Variants in DGKZ observed in about 807,000 individuals in gnomAD.
The protein encoded by DGKZ is diacylglycerol kinase zeta, also known as DAG kinase zeta.
In DGKZ, 45 loss-of-function variants were observed where a neutral mutation model predicts 142.5. The observed-to-expected ratio is 0.32, with a 90% CI of 0.25 to 0.40. The LOEUF is 0.40. Ranked by LOEUF, DGKZ falls within the 10% of genes least tolerant of loss-of-function variation. DGKZ has a pLI of 1.00. For synonymous variants in DGKZ, 442 were observed against 527.0 expected (o/e 0.84, Z 2.21); for missense variants, 755 against 1,306.5 (o/e 0.58, Z 6.51).
At chr11:46,373,912 G>A (rs1438525835) in intron 14 of DGKZ, among the ~76,000 whole-genome samples, 1 of 152,274 alleles carries the variant, frequency 6.6e-6, no homozygotes, top group African/African-American at 2.4e-5. Flanking sequence ...GGCATGTCAG[G>A]AAGAAGTGTT....
chr11:46,377,246 G>C (rs1397023322), intron 25 of DGKZ, 34 bp downstream of exon 25: 1 of 1,543,350 alleles, frequency 6.5e-7, no homozygotes, highest in Non-Finnish European at 8.7e-7. Flanking sequence ...CCAGCCCCTG[G>C]CTTTCAGCCC....
chr11:46,352,390 C>T (rs1238687309), intron 1 of DGKZ, among the ~76,000 whole-genome samples: 1 of 152,192 alleles, frequency 6.6e-6, no homozygotes, highest in Non-Finnish European at 1.5e-5. Flanking sequence ...CCCACAGGCA[C>T]TCGCTGGAAG....
At chr11:46,358,045 G>A (rs900056990) in intron 1 of DGKZ, among the ~76,000 whole-genome samples, 16 of 152,190 alleles carry the variant, frequency 1.1e-4, no homozygotes, top group African/African-American at 3.9e-4. Flanking sequence ...GTCTTAAAAA[G>A]TATGGTCCTG....
At chr11:46,373,261 CTGTTTTTTCTG>C (rs1944162086) in intron 14 of DGKZ, among the ~76,000 whole-genome samples, 160 bp downstream of exon 14, 1 of 147,710 alleles carries the variant, frequency 6.8e-6, no homozygotes, top group African/African-American at 2.5e-5. Context: ...TCACAAGATG[CTGTTTTTTCTG>C]TGTTTTTTTT....
chr11:46,360,563 G>A (rs1415450740), intron 1 of DGKZ, among the ~76,000 whole-genome samples: 5 of 151,972 alleles, frequency 3.3e-5, no homozygotes, highest in Non-Finnish European at 5.9e-5. Context: ...CGAGGTGGGC[G>A]GATCACGAGG....
intron 1 of DGKZ, among the ~76,000 whole-genome samples, chr11:46,336,919 G>A (rs1940043947): frequency 6.6e-6 from 1 of 152,164 alleles, no homozygotes; most frequent in Non-Finnish European, 1.5e-5. Flanking sequence ...TACTCAGAAT[G>A]TTGAGGTGGG....
At chr11:46,366,338 C>G in intron 1 of DGKZ, 3 of 1,559,276 alleles carry the variant, frequency 1.9e-6, no homozygotes, top group Non-Finnish European at 2.6e-6. Flanking sequence ...CAGCGTGGGG[C>G]TGCCCACAGG....
At chr11:46,376,068 G>A in exon 22 of DGKZ, 1 of 1,612,086 alleles carries the variant, frequency 6.2e-7, no homozygotes, top group Non-Finnish European at 8.5e-7. Flanking sequence ...TTCTCCAGCT[G>A]TGCCGCTGGG....
intron 1 of DGKZ, among the ~76,000 whole-genome samples, chr11:46,340,945 A>G (rs780376284): frequency 1.4e-4 from 21 of 152,238 alleles, no homozygotes; most frequent in Admixed American, 3.3e-4. Flanking sequence ...GGCCAGGAGT[A>G]TGAGACCAGC....
At chr11:46,346,873 T>A (rs1403376712), upstream of DGKZ, among the ~76,000 whole-genome samples, 2 of 152,134 alleles carry the variant, frequency 1.3e-5, no homozygotes, top group African/African-American at 2.4e-5. Flanking sequence ...GAGAAACTTG[T>A]GAGTTCTTTG....
At chr11:46,358,441 G>A (rs1942283036) in intron 1 of DGKZ, among the ~76,000 whole-genome samples, 1 of 152,002 alleles carries the variant, frequency 6.6e-6, no homozygotes, top group South Asian at 2.1e-4. Flanking sequence ...ATTTGTACTT[G>A]GACACCTGAT....
Position 46,379,851 on chromosome 11 carries a change from G to A in DGKZ, c.2709G>A (p.Arg903=). Residue 903 remains arginine (R), a synonymous_variant, in exon 31 of 31, where the codon CGG becomes CGA. Coordinates refer to ENST00000527911, the Ensembl canonical transcript of DGKZ. ...TCCAGGGCGACACTCCCCGGCAGCGGGCTGAGAAGGCTCAGGACACCGAGC... is the reference window on the plus strand; with the variant it reads ...TCCAGGGCGACACTCCCCGGCAGCGAGCTGAGAAGGCTCAGGACACCGAGC... The A allele has an allele frequency of 1.9e-6, 3 of 1,610,640 alleles. 1 individual carries two copies. In the South Asian group the frequency reaches 3.3e-5, roughly 18 times the overall value.
chr11:46,342,227 A>T (rs939803785), intron 1 of DGKZ, among the ~76,000 whole-genome samples: 3 of 152,158 alleles, frequency 2.0e-5, no homozygotes, highest in African/African-American at 7.2e-5. Context: ...TGCCAAGGGC[A>T]TCCTCCATAG....
intron 26 of DGKZ, 102 bp downstream of exon 26, chr11:46,378,331 C>CCT (rs1944797061): frequency 6.5e-7 from 1 of 1,539,462 alleles, no homozygotes; most frequent in Non-Finnish European, 8.8e-7. Context: ...ACAAACACAG[C>CCT]CTTTGAGCTT....
In DGKZ at chr11:46,375,646, G is replaced by T; in HGVS notation, c.1910+15G>T. Reference sequence around the variant, plus strand: ...CTGCACAGCGAGTACGTCCCACCCTGCCACGTGCCCTGGGTGCCAAGGCCA... The same window carrying T: ...CTGCACAGCGAGTACGTCCCACCCTTCCACGTGCCCTGGGTGCCAAGGCCA... On this transcript the variant is annotated intron_variant, in intron 20 of 30. Transcript: ENST00000527911. 1 of 1,544,534 alleles carries T rather than the reference G, an allele frequency of 6.5e-7. No homozygotes were observed. Among genetic ancestry groups the T allele is most frequent in the East Asian group, 2.4e-5 (1 of 41,568 alleles).
Position 46,372,295 on chromosome 11 carries a change from G to A in DGKZ, c.927+125G>A, listed in dbSNP as rs572881046. ...CCAATCCCTCTTTCCCAGGGATCCT[G>A]AGAAAATCCTGTCCTTTCTCCACCC... On this transcript the variant is annotated intron_variant, in intron 10 of 30. Coordinates refer to ENST00000527911, the Ensembl canonical transcript of DGKZ. The surrounding 1 kb of genome is among the most constrained non-coding windows in gnomAD (Gnocchi z 5.9). The A allele has an allele frequency of 7.4e-7, 1 of 1,347,466 alleles. No homozygotes were observed. The highest frequency in any genetic ancestry group is 2.5e-5 in the East Asian group (1 of 40,420). The allele number at this position is 1,347,466 out of a possible 1,614,324, so 83.5% of individuals were successfully genotyped here. A position where few individuals can be genotyped will look rare whatever the true frequency, so the allele number is the denominator to read the frequency against.
chr11:46,380,104 G>A, exon 31 of DGKZ: 1 of 759,922 alleles, frequency 1.3e-6, no homozygotes, highest in African/African-American at 1.8e-5. Context: ...CCAGACCTAG[G>A]GCTGGACTCA....
chr11:46,372,437 A>G lies in DGKZ; in HGVS notation c.937A>G (p.Ile313Val). ...TCCCCATCCCATCCAGGGTGCAAAGATCATCCAGTCTTTCCTCTGGTATCT... is the reference window on the plus strand; with the variant it reads ...TCCCCATCCCATCCAGGGTGCAAAGGTCATCCAGTCTTTCCTCTGGTATCT... Residue 313 changes from isoleucine (I) to valine (V), a missense_variant, in exon 11 of 31, where the codon ATC (isoleucine) becomes GTC (valine). This residue lies in a region of DGKZ where 191 missense variants were observed against 472.1 expected (regional missense o/e 0.40). Transcript: ENST00000527911. This position sits in a 1 kb window ranked among gnomAD's most constrained non-coding sequence, Gnocchi z 5.9. 3 of 1,613,906 alleles carry G rather than the reference A, an allele frequency of 1.9e-6. No individual in the cohort carries two copies. The highest frequency in any genetic ancestry group is 2.5e-6 in the Non-Finnish European group (3 of 1,179,978).
In DGKZ at chr11:46,372,178, CG is replaced by C; in HGVS notation, c.927+10del. 5 of 1,599,492 alleles carry C rather than the reference CG, an allele frequency of 3.1e-6. No individual in the cohort carries two copies. The highest frequency in any genetic ancestry group is 4.3e-6 in the Non-Finnish European group (5 of 1,171,422). On this transcript the variant is annotated intron_variant, in intron 10 of 30. Transcript: ENST00000527911. The surrounding 1 kb of genome is among the most constrained non-coding windows in gnomAD (Gnocchi z 5.9). Reference sequence around the variant, plus strand: ...AAGAGTGGGGGCAACCAGGTGAACGCGGCCTTGCCTCTCAGCTAAGGGCTCG... The same window carrying C: ...AAGAGTGGGGGCAACCAGGTGAACGCGCCTTGCCTCTCAGCTAAGGGCTCG...
Sources: allele counts gnomAD v4.1 joint callset (sites outside exome capture counted in the v4.1 genomes callset), GRCh38; gene constraint gnomAD v4.1.1; regional missense constraint gnomAD v4.1.1; non-coding constraint Gnocchi (gnomAD v3.1); transcripts MANE v1.5; gene names NCBI Gene and HGNC (gene_info 2026-07-23, HGNC 2026-07-21).